The following ABCC4 variants were observed in gnomAD, a reference collection of about 807,000 sequenced individuals.
ABCC4 encodes ATP-binding cassette sub-family C member 4.
Under a neutral mutation model 168.5 loss-of-function variants are expected in ABCC4, and 102 were observed. The observed-to-expected ratio is 0.61, with a 90% confidence interval of 0.52 to 0.71. The LOEUF (loss-of-function observed/expected upper bound fraction) is 0.71, where lower values mean the gene tolerates loss of function less well. Ranked by LOEUF, ABCC4 falls within the 30% of genes least tolerant of loss-of-function variation. The pLI, the probability that ABCC4 is intolerant of heterozygous loss-of-function variation, is 0.00. For missense variants in ABCC4, 1,402 were observed against 1,605.8 expected (o/e 0.87, Z 2.17); for synonymous variants, 617 against 590.7 (o/e 1.04, Z -0.65).
At chr13:95,153,007 G>A (rs2139515015) in intron 19 of ABCC4, among the ~76,000 whole-genome samples, 1 of 152,182 alleles carries the variant, frequency 6.6e-6, no homozygotes, top group South Asian at 2.1e-4. Flanking sequence ...ATACATATTA[G>A]GCTCTCAGTA....
chr13:95,059,063 T>C (rs1161757484), intron 26 of ABCC4, among the ~76,000 whole-genome samples: 4 of 152,252 alleles, frequency 2.6e-5, no homozygotes, highest in African/African-American at 9.6e-5. Flanking sequence ...TTTGTTTCTG[T>C]GCGTGTGTGC....
chr13:95,278,126 T>C (rs576627101), intron 1 of ABCC4, among the ~76,000 whole-genome samples: 7 of 151,748 alleles, frequency 4.6e-5, no homozygotes, highest in Admixed American at 4.6e-4. Context: ...TTACAGGTTA[T>C]TTCTGAAGAT....
chr13:95,114,953 C>G (rs913474147), intron 20 of ABCC4, among the ~76,000 whole-genome samples: 3 of 152,140 alleles, frequency 2.0e-5, no homozygotes, highest in African/African-American at 7.2e-5. Flanking sequence ...ATGATTACAA[C>G]TATTCTAAGT....
chr13:95,216,632 A>AAAAC (rs1566537065), intron 4 of ABCC4, among the ~76,000 whole-genome samples: 1 of 140,908 alleles, frequency 7.1e-6, no homozygotes, highest in Non-Finnish European at 1.5e-5. Context: ...AAAAAAAAAA[A>AAAAC]CCAGCACAAA....
intron 3 of ABCC4, among the ~76,000 whole-genome samples, chr13:95,242,271 A>G (rs1027169816): frequency 6.6e-5 from 10 of 151,282 alleles, no homozygotes; most frequent in Non-Finnish European, 1.2e-4. Context: ...TCTGTCACCC[A>G]GGCTGAAGTG....
chr13:95,149,146 C>A (rs1262944177), intron 19 of ABCC4, among the ~76,000 whole-genome samples: 1 of 152,130 alleles, frequency 6.6e-6, no homozygotes, highest in East Asian at 1.9e-4. Context: ...CCTTTTATTA[C>A]CCCGGCTATT....
At chr13:95,145,942 T>A (rs777418207) in intron 19 of ABCC4, among the ~76,000 whole-genome samples, 1 of 152,114 alleles carries the variant, frequency 6.6e-6, no homozygotes, top group African/African-American at 2.4e-5. Context: ...CCGGGCACAG[T>A]GGCTCACGGC....
chr13:95,205,717 G>A (rs2139671938), intron 8 of ABCC4, among the ~76,000 whole-genome samples: 1 of 152,334 alleles, frequency 6.6e-6, no homozygotes, highest in East Asian at 1.9e-4. Flanking sequence ...CAGCATCAGT[G>A]TTAAGAGGTG....
At chr13:95,118,828 C>T (rs572295035) in intron 19 of ABCC4, among the ~76,000 whole-genome samples, 13 of 152,290 alleles carry the variant, frequency 8.5e-5, no homozygotes, top group East Asian at 3.9e-4. Flanking sequence ...TCTTGCCTTC[C>T]GGGAACATCC....
chr13:95,179,851 TATCTCTTTTACAAA>T (rs2139601021), intron 11 of ABCC4, among the ~76,000 whole-genome samples: 1 of 152,326 alleles, frequency 6.6e-6, no homozygotes, highest in Admixed American at 6.5e-5. Flanking sequence ...GTTCTCATTT[TATCTCTTTTACAAA>T]ATATCCTGGA....
Position 95,201,886 on chromosome 13 carries a change from T to C in ABCC4, c.1161+4646A>G, listed in dbSNP as rs139152950. ...TACTCAGGAGGCTGAGGCAGGAGAATTGCTTGAACCCGGGAAGTAGAGGTT... is the reference window on the plus strand; with the variant it reads ...TACTCAGGAGGCTGAGGCAGGAGAACTGCTTGAACCCGGGAAGTAGAGGTT... On this transcript the variant is annotated intron_variant, in intron 8 of 30. Coordinates refer to ENST00000645237, the MANE Select transcript of ABCC4 (RefSeq NM_005845.5). Among the ~76,000 whole-genome samples the C allele has an allele frequency of 3.3e-3, 503 of 152,258 alleles. 10 individuals are homozygous for C. The East Asian group carries it at 0.04, about 12-fold the overall frequency.
At position 95,178,053 on chromosome 13, in the gene ABCC4, T is replaced by C; in HGVS notation, c.1584A>G (p.Ile528Met). The change falls in exon 12 of 31, where the codon ATA becomes ATG. Residue 528 changes from isoleucine to methionine, a missense_variant. By Grantham distance (10) the Ile-to-Met change is conservative (BLOSUM62 1). This residue lies in a region of ABCC4 where 1,007 missense variants were observed against 1,127.3 expected (regional missense o/e 0.89). Coordinates refer to ENST00000645237, the MANE Select transcript of ABCC4 (RefSeq NM_005845.5). Reference sequence around the variant, plus strand: ...CACTCAGCGTGGTTCCCCGATCTCCTATCACAGTCAGATCACCATCCTCCA... The same window carrying C: ...CACTCAGCGTGGTTCCCCGATCTCCCATCACAGTCAGATCACCATCCTCCA... ...QLLEDGDLTV[I>M]GDRGTTLSGG... is the part of the protein sequence containing the mutation. 1.9e-6 allele frequency: 3 copies of C among 1,614,208 alleles called. No homozygotes were observed. Among genetic ancestry groups the C allele is most frequent in the Non-Finnish European group, 2.5e-6 (3 of 1,180,020 alleles).
chr13:95,174,831 T>C (rs1032156033), intron 13 of ABCC4, among the ~76,000 whole-genome samples: 5 of 152,246 alleles, frequency 3.3e-5, no homozygotes, highest in African/African-American at 9.6e-5. Context: ...AACGAGGCTC[T>C]GATCAGACTG....
intron 19 of ABCC4, among the ~76,000 whole-genome samples, chr13:95,125,361 G>T (rs1220550311): frequency 2.0e-5 from 3 of 152,266 alleles, no homozygotes; most frequent in Non-Finnish European, 4.4e-5. Context: ...CTTCTGATAG[G>T]CTACTGCCTG....
intron 19 of ABCC4, among the ~76,000 whole-genome samples, chr13:95,155,965 C>T (rs1353163878): frequency 1.3e-5 from 2 of 152,130 alleles, no homozygotes; most frequent in East Asian, 1.9e-4. Context: ...ACTCTGTTGG[C>T]GTGGAAGAAA....
At chr13:95,242,063 T>TA (rs1191190379) in intron 3 of ABCC4, among the ~76,000 whole-genome samples, 1 of 152,120 alleles carries the variant, frequency 6.6e-6, no homozygotes, top group African/African-American at 2.4e-5. Flanking sequence ...ATAAGTGGGT[T>TA]AAAAAAGGCC....
At chr13:95,078,220 T>C (rs1404590483) in intron 21 of ABCC4, among the ~76,000 whole-genome samples, 4 of 152,090 alleles carry the variant, frequency 2.6e-5, no homozygotes, top group East Asian at 3.9e-4. Context: ...CTCTCTATTC[T>C]CTATCTCTGG....
intron 30 of ABCC4, among the ~76,000 whole-genome samples, chr13:95,023,213 A>AT (rs1260027072): frequency 6.6e-6 from 1 of 152,120 alleles, no homozygotes; most frequent in Non-Finnish European, 1.5e-5. Flanking sequence ...CTCTTGATGT[A>AT]TTTTTTTAAA....
chr13:95,141,143 T>A (rs2036305090), intron 19 of ABCC4, among the ~76,000 whole-genome samples: 1 of 152,176 alleles, frequency 6.6e-6, no homozygotes, highest in African/African-American at 2.4e-5. Flanking sequence ...GATCTACTAG[T>A]TACAAATCTG....
Sources: gnomAD v4.1 joint callset for allele counts (sites outside exome capture counted in the v4.1 genomes callset) on GRCh38, gnomAD v4.1.1 for gene constraint, gnomAD v4.1.1 regional missense constraint, MANE v1.5 for transcripts, NCBI Gene and HGNC (gene_info 2026-07-23, HGNC 2026-07-21) for gene names.